PCDHGA1: variants seen among roughly 807,000 people sequenced by gnomAD.
The protein encoded by PCDHGA1 is protocadherin gamma subfamily A, 1.
A neutral mutation model predicts 58.0 loss-of-function variants in PCDHGA1; 32 were observed. That is an observed-to-expected ratio of 0.55 (90% confidence interval 0.42 to 0.74). PCDHGA1 has a LOEUF of 0.74. Ranked by LOEUF, PCDHGA1 falls within the 30% of genes least tolerant of loss-of-function variation. PCDHGA1 has a pLI of 0.00. For missense variants in PCDHGA1, 1,205 were observed against 1,182.3 expected (o/e 1.02, Z -0.28); for synonymous variants, 498 against 501.1 (o/e 0.99, Z 0.08).
chr5:141,374,078 C>A, intron 1 of PCDHGA1: 1 of 1,516,122 alleles, frequency 6.6e-7, no homozygotes, highest in Non-Finnish European at 8.8e-7. Flanking sequence ...TCCTAATAAG[C>A]CAGTAATGGC....
rs1271293217 is a variant in PCDHGA1, at chr5:141,374,804, A to G, written c.2421+41699A>G. On this transcript the variant is annotated intron_variant, in intron 1 of 3. Transcript: ENST00000517417. ...TCTAGATGTGAATGACAACACTCCA[A>G]TGTTTACTCAGCCTGTCTACCGTGT... The G allele has an allele frequency of 6.8e-6, 11 of 1,613,854 alleles. No individual in the cohort carries two copies. In the East Asian group the frequency reaches 1.6e-4, roughly 23 times the overall value.
At chr5:141,409,920 C>G in intron 1 of PCDHGA1, 1 of 1,613,400 alleles carries the variant, frequency 6.2e-7, no homozygotes, top group Non-Finnish European at 8.5e-7. Flanking sequence ...GACGGCTCCG[C>G]GTTCTTCGAT....
At chr5:141,360,435 T>C in intron 1 of PCDHGA1, 1 of 1,613,990 alleles carries the variant, frequency 6.2e-7, no homozygotes, top group Non-Finnish European at 8.5e-7. Flanking sequence ...GGAAGCAGCC[T>C]CTGTGTGTTC....
At chr5:141,422,446 A>G in intron 1 of PCDHGA1, 1 of 1,610,700 alleles carries the variant, frequency 6.2e-7, no homozygotes, top group South Asian at 1.1e-5. Context: ...CAAATTGATA[A>G]CAAGCAGAGT....
chr5:141,385,108 A>C, intron 1 of PCDHGA1: 1 of 1,614,126 alleles, frequency 6.2e-7, no homozygotes, highest in Non-Finnish European at 8.5e-7. Flanking sequence ...GAACGTGCCC[A>C]CCTCGCACTT....
At position 141,432,180 on chromosome 5, in the gene PCDHGA1, T is replaced by G. The variant is rs943491593; in HGVS notation, c.2422-62627T>G. 2 of 1,614,044 alleles carry G rather than the reference T, an allele frequency of 1.2e-6. No homozygotes were observed. The highest frequency in any genetic ancestry group is 1.7e-6 in the Non-Finnish European group (2 of 1,180,036). ...CCCAGAGGAGTTTCCCTCGTCTCTG[T>G]GACCGCCCACGACCCCGACTGTGAA... On this transcript the variant is annotated intron_variant, in intron 1 of 3. Coordinates refer to ENST00000517417, the MANE Select transcript of PCDHGA1 (RefSeq NM_018912.3). This position sits in a 1 kb window ranked among gnomAD's most constrained non-coding sequence, Gnocchi z 6.0.
chr5:141,488,846 C>T (rs1359759383), intron 1 of PCDHGA1, among the ~76,000 whole-genome samples: 1 of 152,174 alleles, frequency 6.6e-6, no homozygotes, highest in African/African-American at 2.4e-5. Flanking sequence ...GCTGAATCAA[C>T]CTGCAGCACG....
chr5:141,357,290 T>G lies in PCDHGA1; in HGVS notation c.2421+24185T>G, dbSNP rs773203887. 6 of 1,613,834 alleles carry G rather than the reference T, an allele frequency of 3.7e-6. No homozygotes were observed. The African/African-American group carries it at 8.0e-5, about 22-fold the overall frequency. On this transcript the variant is annotated intron_variant, in intron 1 of 3. Transcript: ENST00000517417. ...CTCACACTCTATCTCGTGGTGGCAG[T>G]GGCCGCTGTCTCCTGCGTCTTCCTG...
chr5:141,509,572 G>T (rs955898202), intron 3 of PCDHGA1, among the ~76,000 whole-genome samples: 24 of 152,300 alleles, frequency 1.6e-4, no homozygotes, highest in Middle Eastern at 3.4e-3. Context: ...CCTTCACAGT[G>T]CGTACAAATC....
At chr5:141,370,778 C>T in intron 1 of PCDHGA1, 1 of 1,613,986 alleles carries the variant, frequency 6.2e-7, no homozygotes, top group Non-Finnish European at 8.5e-7. Flanking sequence ...ATATTAACGA[C>T]AACCCACCGA....
At chr5:141,417,452 C>A in intron 1 of PCDHGA1, 1 of 173,536 alleles carries the variant, frequency 5.8e-6, no homozygotes, top group Non-Finnish European at 1.2e-5. Flanking sequence ...ATAGTTATGA[C>A]CAAGTGGAAA....
intron 1 of PCDHGA1, among the ~76,000 whole-genome samples, chr5:141,353,478 T>A (rs1227837320): frequency 6.6e-6 from 1 of 152,236 alleles, no homozygotes; most frequent in Admixed American, 6.5e-5. Context: ...TTATTAAGAC[T>A]CTTAACACTT....
At chr5:141,484,707 G>C (rs1288663675) in intron 1 of PCDHGA1, among the ~76,000 whole-genome samples, 1 of 151,802 alleles carries the variant, frequency 6.6e-6, no homozygotes. Flanking sequence ...TGTTTTCCCC[G>C]CCGAAAAGGG....
Position 141,331,906 on chromosome 5 carries a change from AG to A in PCDHGA1, c.1223del (p.Arg408LysfsTer15). On this transcript the variant is annotated frameshift_variant, in exon 1 of 4. Coordinates refer to ENST00000517417, the MANE Select transcript of PCDHGA1 (RefSeq NM_018912.3). LOFTEE classifies it high-confidence loss of function. Reference protein sequence around the residue: ...VDNYYRLVTERTLDRELISGY... With the variant: ...VDNYYRLVTEXTLDRELISGY... ...TAATTATTACCGTTTAGTGACTGAAAGAACACTGGACAGAGAACTTATCTCT... is the reference window on the plus strand; with the variant it reads ...TAATTATTACCGTTTAGTGACTGAAAAACACTGGACAGAGAACTTATCTCT... The A allele has an allele frequency of 6.2e-7, 1 of 1,614,212 alleles. No individual in the cohort carries two copies. The highest frequency in any genetic ancestry group is 8.5e-7 in the Non-Finnish European group (1 of 1,180,048).
At chr5:141,415,123 G>T (rs1349224471) in intron 1 of PCDHGA1, 3 of 1,613,540 alleles carry the variant, frequency 1.9e-6, no homozygotes. Flanking sequence ...CGTAGTGGCC[G>T]TCCAGGACCA....
intron 1 of PCDHGA1, chr5:141,423,007 G>A: frequency 6.2e-7 from 1 of 1,614,242 alleles, no homozygotes; most frequent in Non-Finnish European, 8.5e-7. Flanking sequence ...CAAGGTGGTT[G>A]CGGTGGACAA....
intron 1 of PCDHGA1, among the ~76,000 whole-genome samples, chr5:141,450,397 C>T (rs529143168): frequency 6.6e-6 from 1 of 152,300 alleles, no homozygotes; most frequent in South Asian, 2.1e-4. Flanking sequence ...TTTGTAAAGA[C>T]TAGAAGCCAT....
At position 141,423,614 on chromosome 5, in the gene PCDHGA1, A is replaced by C. The variant is rs1365658002; in HGVS notation, c.2422-71193A>C. 8 of 1,610,406 alleles carry C rather than the reference A, an allele frequency of 5.0e-6. No homozygotes were observed. The highest frequency in any genetic ancestry group is 6.8e-6 in the Non-Finnish European group (8 of 1,178,132). ...AAAAGCGAGCCACTCTTGATAGCTG[A>C]AGACTCAGCTATCATTTTAGGCAAA... On this transcript the variant is annotated intron_variant, in intron 1 of 3. Transcript: ENST00000517417.
In PCDHGA1 at chr5:141,445,037, GT is replaced by G. The variant is rs2098454887; in HGVS notation, c.2422-49766del. 5.3e-5 allele frequency among the ~76,000 whole-genome samples: 8 copies of G among 152,072 alleles called. No homozygotes were observed. In the South Asian group the frequency reaches 1.7e-3, roughly 32 times the overall value. On this transcript the variant is annotated intron_variant, in intron 1 of 3. Transcript: ENST00000517417. ...TAATTTCTCTCAGCTATGTTGTATAGTTTTCAGTGTAGAGAGGTCATGTATA... is the reference window on the plus strand; with the variant it reads ...TAATTTCTCTCAGCTATGTTGTATAGTTTCAGTGTAGAGAGGTCATGTATA...
Sources: gnomAD v4.1 joint callset for allele counts (sites outside exome capture counted in the v4.1 genomes callset) on GRCh38, gnomAD v4.1.1 for gene constraint, Gnocchi (gnomAD v3.1) non-coding constraint, MANE v1.5 for transcripts, NCBI Gene and HGNC (gene_info 2026-07-23, HGNC 2026-07-21) for gene names.